NELL1: variants seen among roughly 807,000 people sequenced by gnomAD.
NELL1 encodes the protein protein kinase C-binding protein NELL1.
A neutral mutation model predicts 107.4 loss-of-function variants in NELL1; 76 were observed. The ratio of observed to expected loss-of-function variants is 0.71; its 90% CI spans 0.59 to 0.86. NELL1 has a LOEUF of 0.86. NELL1 is among the 40% of genes least tolerant of loss of function. NELL1 has a pLI of 0.00. For missense variants in NELL1, 1,024 were observed against 1,005.5 expected, an observed-to-expected ratio of 1.02 and a Z score of -0.25; for synonymous variants, 353 against 341.2, an observed-to-expected ratio of 1.03 and a Z score of -0.38.
intron 12 of NELL1, among the ~76,000 whole-genome samples, chr11:21,018,773 G>A (rs919308317): frequency 1.3e-5 from 2 of 152,092 alleles, no homozygotes; most frequent in South Asian, 2.1e-4. Context: ...AATTTTTAGC[G>A]AGTGGGTTTA....
At chr11:20,761,808 G>A (rs779401651) in intron 2 of NELL1, among the ~76,000 whole-genome samples, 7 of 152,304 alleles carry the variant, frequency 4.6e-5, no homozygotes, top group Non-Finnish European at 1.0e-4. Flanking sequence ...ATAAAACCTC[G>A]AAACTTGAAG....
chr11:21,179,686 C>A (rs2133822185), intron 13 of NELL1, among the ~76,000 whole-genome samples: 1 of 151,762 alleles, frequency 6.6e-6, no homozygotes, highest in Admixed American at 6.6e-5. Context: ...TTCTAGACAC[C>A]ACGTGACAAT....
chr11:21,061,869 A>C (rs928003647), intron 12 of NELL1, among the ~76,000 whole-genome samples: 4 of 152,142 alleles, frequency 2.6e-5, no homozygotes, highest in Non-Finnish European at 5.9e-5. Flanking sequence ...AGATGAGGTA[A>C]ATCTCTTTAG....
In NELL1 at chr11:20,982,743, T is replaced by C. The variant is rs149050649; in HGVS notation, c.1300+22183T>C. ...ATTAAAGACAGAATTTTAATAGCAG[T>C]TGTAAAAGTGCCCTGGGAGAGTTTA... On this transcript the variant is annotated intron_variant, in intron 12 of 19. Coordinates refer to ENST00000357134, the MANE Select transcript of NELL1 (RefSeq NM_006157.5). Among the ~76,000 whole-genome samples, 802 of 152,336 alleles carry C rather than the reference T, an allele frequency of 5.3e-3. 6 individuals carry two copies. The highest frequency in any genetic ancestry group is 0.018 in the African/African-American group (764 of 41,574).
At chr11:20,815,430 C>A (rs1857603824) in intron 3 of NELL1, among the ~76,000 whole-genome samples, 1 of 152,102 alleles carries the variant, frequency 6.6e-6, no homozygotes, top group African/African-American at 2.4e-5. Context: ...AGCATTTTTG[C>A]TTATGTTTTT....
At chr11:21,300,904 C>T (rs1422668231) in intron 14 of NELL1, among the ~76,000 whole-genome samples, 1 of 151,992 alleles carries the variant, frequency 6.6e-6, no homozygotes, top group Non-Finnish European at 1.5e-5. Flanking sequence ...CCTCTCCCCA[C>T]CCCACAACAG....
At chr11:21,441,989 C>G (rs1294900851) in intron 15 of NELL1, among the ~76,000 whole-genome samples, 1 of 152,106 alleles carries the variant, frequency 6.6e-6, no homozygotes, top group Non-Finnish European at 1.5e-5. Context: ...AAATAACTAA[C>G]TAAAATAAAA....
chr11:21,456,765 G>A (rs995749169), intron 15 of NELL1, among the ~76,000 whole-genome samples: 2 of 152,168 alleles, frequency 1.3e-5, no homozygotes, highest in South Asian at 2.1e-4. Flanking sequence ...TTGAAAGGGT[G>A]CAGGTGGAGA....
chr11:20,885,614 C>T (rs1302664812), intron 5 of NELL1, 74 bp downstream of exon 5: 10 of 936,494 alleles, frequency 1.1e-5, no homozygotes, highest in South Asian at 6.9e-5. Context: ...TTATTGGAGC[C>T]GTGTTTATAA....
chr11:21,066,093 A>G (rs562903290), intron 12 of NELL1, among the ~76,000 whole-genome samples: 2 of 152,232 alleles, frequency 1.3e-5, no homozygotes, highest in South Asian at 4.1e-4. Context: ...TTTTGTGCCC[A>G]TTTGCTTTGG....
intron 2 of NELL1, among the ~76,000 whole-genome samples, chr11:20,753,256 C>G (rs1199322539): frequency 6.6e-6 from 1 of 152,110 alleles, no homozygotes; most frequent in Admixed American, 6.5e-5. Flanking sequence ...GCTATCTGTC[C>G]TTATTATTTT....
intron 2 of NELL1, among the ~76,000 whole-genome samples, chr11:20,757,148 T>G (rs1454401326): frequency 1.3e-5 from 2 of 152,114 alleles, no homozygotes; most frequent in Non-Finnish European, 2.9e-5. Flanking sequence ...TGGCTTCATT[T>G]TCCTTTACAC....
chr11:20,778,466 TTC>T (rs1856790022), intron 2 of NELL1, among the ~76,000 whole-genome samples: 1 of 81,966 alleles, frequency 1.2e-5, no homozygotes, highest in African/African-American at 8.5e-5. Flanking sequence ...TTTAATTTCT[TTC>T]CTTCTCCAAT....
intron 2 of NELL1, among the ~76,000 whole-genome samples, chr11:20,721,247 T>C (rs1231212688): frequency 6.8e-6 from 1 of 146,912 alleles, no homozygotes. Flanking sequence ...TATATATATA[T>C]ATTTATTTGT....
chr11:21,508,899 C>G (rs1855365416), intron 15 of NELL1, among the ~76,000 whole-genome samples: 1 of 151,852 alleles, frequency 6.6e-6, no homozygotes. Context: ...AAAACATATA[C>G]AACAAAAAAT....
intron 14 of NELL1, among the ~76,000 whole-genome samples, chr11:21,329,281 G>A (rs1850218475): frequency 1.3e-5 from 2 of 149,498 alleles, no homozygotes; most frequent in South Asian, 4.2e-4. Flanking sequence ...TTTATAAGGG[G>A]CTTTTCCCCC....
At chr11:21,549,868 A>G (rs60795440) in intron 16 of NELL1, among the ~76,000 whole-genome samples, 20,392 of 151,892 alleles carry the variant, frequency 0.13, 1,456 homozygotes, top group Middle Eastern at 0.19. Flanking sequence ...AACAGAAATG[A>G]ACTTCAATTT....
At chr11:21,169,179 G>A (rs1856549562) in intron 13 of NELL1, among the ~76,000 whole-genome samples, 1 of 151,852 alleles carries the variant, frequency 6.6e-6, no homozygotes, top group Non-Finnish European at 1.5e-5. Context: ...CCAACACGGA[G>A]GGATGTAAGA....
At chr11:20,953,791 A>C (rs1170415147) in intron 11 of NELL1, among the ~76,000 whole-genome samples, 2 of 152,114 alleles carry the variant, frequency 1.3e-5, no homozygotes, top group African/African-American at 2.4e-5. Flanking sequence ...TCTTTAAAAC[A>C]TTGTGTTAGG....
Sources: allele counts gnomAD v4.1 joint callset (sites outside exome capture counted in the v4.1 genomes callset), GRCh38; gene constraint gnomAD v4.1.1; transcripts MANE v1.5; gene names NCBI Gene and HGNC (gene_info 2026-07-23, HGNC 2026-07-21).